The following SAMD3 variants were observed in gnomAD, a reference collection of about 807,000 sequenced individuals.
SAMD3 encodes sterile alpha motif domain containing 3, also known as sterile alpha motif domain-containing protein 3.
In SAMD3, 63 loss-of-function variants were observed where a neutral mutation model predicts 58.5. That is an observed-to-expected ratio of 1.08 (90% CI 0.88 to 1.33). The LOEUF (loss-of-function observed/expected upper bound fraction) is 1.33, where lower values mean the gene tolerates loss of function less well. SAMD3 is among the 40% of genes most tolerant of loss of function. SAMD3 has a pLI of 0.00. For synonymous variants in SAMD3, 220 were observed against 210.3 expected (o/e 1.05, Z -0.40); for missense variants, 604 against 608.4 (o/e 0.99, Z 0.08).
At chr6:130,184,042 C>T in intron 7 of SAMD3, 61 bp downstream of exon 7, 1 of 1,344,080 alleles carries the variant, frequency 7.4e-7, no homozygotes, top group Non-Finnish European at 1.1e-6. Context: ...TACTGGGCAA[C>T]ACAAGGCAAT....
intron 2 of SAMD3, among the ~76,000 whole-genome samples, chr6:130,282,145 C>G (rs1218022165): frequency 6.6e-6 from 1 of 152,028 alleles, no homozygotes; most frequent in Non-Finnish European, 1.5e-5. Context: ...CGCACACACA[C>G]AAGCACACAC....
chr6:130,259,435 C>T (rs1774037487), intron 2 of SAMD3, among the ~76,000 whole-genome samples: 1 of 152,148 alleles, frequency 6.6e-6, no homozygotes, highest in Non-Finnish European at 1.5e-5. Context: ...AGTGAGAACT[C>T]ACTCACCTGA....
At chr6:130,193,860 C>T (rs1793810023) in intron 5 of SAMD3, among the ~76,000 whole-genome samples, 1 of 152,020 alleles carries the variant, frequency 6.6e-6, no homozygotes, top group Non-Finnish European at 1.5e-5. Flanking sequence ...CACATCAGTC[C>T]CTTCCTAGTC....
At chr6:130,172,021 G>C (rs1228515931) in intron 8 of SAMD3, among the ~76,000 whole-genome samples, 2 of 152,114 alleles carry the variant, frequency 1.3e-5, no homozygotes, top group Non-Finnish European at 2.9e-5. Context: ...TCAGAGACTA[G>C]GATTGCAACC....
chr6:130,247,251 C>T (rs1443851049), intron 2 of SAMD3, among the ~76,000 whole-genome samples: 3 of 152,104 alleles, frequency 2.0e-5, no homozygotes, highest in South Asian at 2.1e-4. Context: ...GGGCGGATCA[C>T]CTTAGGTCAG....
chr6:130,218,772 G>C (rs550614239), intron 1 of SAMD3, among the ~76,000 whole-genome samples: 8 of 151,802 alleles, frequency 5.3e-5, no homozygotes, highest in Non-Finnish European at 1.2e-4. Context: ...AAAGAAGCTG[G>C]AGAAAGCAGG....
At chr6:130,214,302 GAA>G in intron 4 of SAMD3, 33 bp downstream of exon 4, 3 of 1,376,064 alleles carry the variant, frequency 2.2e-6, no homozygotes, top group South Asian at 3.1e-5. Flanking sequence ...GAAAGCTTGG[GAA>G]AAAAAAATAA....
intron 2 of SAMD3, among the ~76,000 whole-genome samples, chr6:130,250,092 C>A (rs188179886): frequency 9.7e-4 from 148 of 152,244 alleles, no homozygotes; most frequent in Non-Finnish European, 1.5e-3. Flanking sequence ...GATAGCTCTG[C>A]AACAGTTACA....
chr6:130,154,709 AAAAAAAAAAATATATATAT>A, intron 9 of SAMD3, 97 bp downstream of exon 9: 3 of 144,660 alleles, frequency 2.1e-5, no homozygotes, highest in Non-Finnish European at 3.8e-5. Context: ...AAAAAAAAAA[AAAAAAAAAAATATATATAT>A]ATATATATAT....
chr6:130,326,820 C>T (rs758984326), intron 1 of SAMD3, among the ~76,000 whole-genome samples: 2 of 152,208 alleles, frequency 1.3e-5, no homozygotes, highest in African/African-American at 4.8e-5. Context: ...TGAACGTCTA[C>T]TCCACCACTC....
intron 2 of SAMD3, among the ~76,000 whole-genome samples, chr6:130,251,401 G>C (rs1056935101): frequency 6.6e-6 from 1 of 152,004 alleles, no homozygotes; most frequent in Non-Finnish European, 1.5e-5. Flanking sequence ...AATTTATCTA[G>C]TTTTTTTCTT....
At chr6:130,204,619 G>T (rs182296493) in intron 5 of SAMD3, among the ~76,000 whole-genome samples, 67 of 146,552 alleles carry the variant, frequency 4.6e-4, no homozygotes, top group Non-Finnish European at 5.1e-4. Flanking sequence ...AAAAAAGCAC[G>T]GTATCTGCTG....
chr6:130,339,492 A>C (rs890342896), intron 1 of SAMD3, among the ~76,000 whole-genome samples: 1 of 152,140 alleles, frequency 6.6e-6, no homozygotes, highest in South Asian at 2.1e-4. Context: ...ATGGTTTTAT[A>C]AGTGACAGTT....
chr6:130,162,683 A>G lies in SAMD3; in HGVS notation c.823-7658T>C, dbSNP rs558812955. ...AATACCCTATGAAAAATCTACTTTA[A>G]AGGCACTATGTAAATAAAGGTTTCA... is the stretch of plus-strand genomic sequence containing the variant. On this transcript the variant is annotated intron_variant, in intron 8 of 11. Coordinates refer to ENST00000439090, the MANE Select transcript of SAMD3 (RefSeq NM_001017373.4). Among the ~76,000 whole-genome samples the G allele has an allele frequency of 2.2e-4, 33 of 152,216 alleles. 1 individual carries two copies. The highest frequency in any genetic ancestry group is 3.4e-3 in the Middle Eastern group (1 of 294).
At chr6:130,150,167 A>G (rs944620887) in intron 9 of SAMD3, among the ~76,000 whole-genome samples, 1 of 151,926 alleles carries the variant, frequency 6.6e-6, no homozygotes, top group Non-Finnish European at 1.5e-5. Flanking sequence ...CCCTATGGTG[A>G]TGATACATGG....
In SAMD3 at chr6:130,343,485, G is replaced by A. The variant is rs777416968; in HGVS notation, c.-304+21635C>T. Among the ~76,000 whole-genome samples, 6 of 152,288 alleles carry A rather than the reference G, an allele frequency of 3.9e-5. 1 individual carries two copies. Among genetic ancestry groups the A allele is most frequent in the Middle Eastern group, 6.8e-3 (2 of 294 alleles). ...TTTTCTGTTATTTTCCTGATTCAAA[G>A]ATTGTCCACATATTCCTTTCGTGGA... On this transcript the variant is annotated intron_variant, in intron 1 of 13. Transcript: ENST00000368134.
At chr6:130,247,019 A>G (rs1773569997) in intron 2 of SAMD3, among the ~76,000 whole-genome samples, 1 of 152,238 alleles carries the variant, frequency 6.6e-6, no homozygotes, top group Non-Finnish European at 1.5e-5. Context: ...ATTTCTAAAT[A>G]CTATTTCCAA....
chr6:130,161,030 A>G (rs1162132490), intron 8 of SAMD3: 1 of 152,180 alleles, frequency 6.6e-6, no homozygotes, highest in African/African-American at 2.4e-5. Context: ...ATATGTGACA[A>G]TGTCATTTAT....
upstream of SAMD3, among the ~76,000 whole-genome samples, chr6:130,224,235 G>T (rs1796321359): frequency 6.6e-6 from 1 of 152,128 alleles, no homozygotes; most frequent in Non-Finnish European, 1.5e-5. Flanking sequence ...TTGTGTCTGT[G>T]CCCGCTAGGG....
Sources: gnomAD v4.1 joint callset for allele counts (sites outside exome capture counted in the v4.1 genomes callset) on GRCh38, gnomAD v4.1.1 for gene constraint, MANE v1.5 for transcripts, NCBI Gene and HGNC (gene_info 2026-07-23, HGNC 2026-07-21) for gene names.